The following EFTUD2 variants were observed in gnomAD, a reference collection of about 807,000 sequenced individuals.
The protein encoded by EFTUD2 is elongation factor Tu GTP binding domain containing 2, also known as 116 kDa U5 small nuclear ribonucleoprotein component.
EFTUD2 carries 9 observed loss-of-function variants against 114.3 expected under a neutral mutation model. That is an observed-to-expected ratio of 0.08 (90% CI 0.05 to 0.14). EFTUD2 has a LOEUF of 0.14. EFTUD2 is among the 10% of genes least tolerant of loss of function. The pLI, the probability that EFTUD2 is intolerant of heterozygous loss-of-function variation, is 1.00. For synonymous variants in EFTUD2, 449 were observed against 462.3 expected, an observed-to-expected ratio of 0.97 and a Z score of 0.37; for missense variants, 765 against 1,241.2, an observed-to-expected ratio of 0.62 and a Z score of 5.76.
chr17:44,864,823 A>C, intron 14 of EFTUD2, 107 bp downstream of exon 14: 2 of 1,498,070 alleles, frequency 1.3e-6, no homozygotes, highest in Non-Finnish European at 1.8e-6. Context: ...TTTGTTGAAA[A>C]GATCCTCAGA....
At chr17:44,896,978 A>G (rs1443290706) in intron 1 of EFTUD2, among the ~76,000 whole-genome samples, 2 of 152,138 alleles carry the variant, frequency 1.3e-5, no homozygotes, top group Non-Finnish European at 2.9e-5. Context: ...GCACTTTGGG[A>G]GGCTGAGGTG....
chr17:44,869,015 C>G (rs1180950696), intron 11 of EFTUD2, among the ~76,000 whole-genome samples: 1 of 152,198 alleles, frequency 6.6e-6, no homozygotes, highest in Non-Finnish European at 1.5e-5. Flanking sequence ...CCAACCACCT[C>G]CTGGATATTT....
At chr17:44,877,974 A>T (rs1441762414) in intron 9 of EFTUD2, among the ~76,000 whole-genome samples, 2 of 152,100 alleles carry the variant, frequency 1.3e-5, no homozygotes, top group African/African-American at 4.8e-5. Flanking sequence ...TGTCTCTACT[A>T]AAAATACAAA....
rs1597824288 is a variant in EFTUD2, at chr17:44,887,370, TG to T, written c.106-621del. On this transcript the variant is annotated intron_variant, in intron 2 of 27. Coordinates refer to ENST00000426333, the MANE Select transcript of EFTUD2 (RefSeq NM_004247.4). Reference sequence around the variant, plus strand: ...GGCCACACAAAAACTTAGAAATCAATGTTCATAGTGGCATTATTTATAATAG... The same window carrying T: ...GGCCACACAAAAACTTAGAAATCAATTTCATAGTGGCATTATTTATAATAG... 2.0e-5 allele frequency among the ~76,000 whole-genome samples: 3 copies of T among 152,310 alleles called. No homozygotes were observed. The East Asian group carries it at 5.8e-4, about 29-fold the overall frequency.
At position 44,887,603 on chromosome 17, in the gene EFTUD2, C is replaced by T. The variant is rs554319368; in HGVS notation, c.106-853G>A. ...TGAAAAAGCTGCATATTATATGATT[C>T]CATTTATATGAAAATATTCAGAATA... On this transcript the variant is annotated intron_variant, in intron 2 of 27. Transcript: ENST00000426333. 3.3e-5 allele frequency among the ~76,000 whole-genome samples: 5 copies of T among 152,212 alleles called. No individual in the cohort carries two copies. In the South Asian group the frequency reaches 6.2e-4, roughly 19 times the overall value.
In EFTUD2 at chr17:44,854,376, C is replaced by A. The variant is rs140987607; in HGVS notation, c.2260-20G>T. On this transcript the variant is annotated intron_variant, in intron 22 of 27. Transcript: ENST00000426333. This position sits in a 1 kb window ranked among gnomAD's most constrained non-coding sequence, Gnocchi z 4.3. Reference sequence around the variant, plus strand: ...GTCCACCTATAGAGAAACATGAGGCCTCCTTAGCAGTCGCCCTGGCAACGG... The same window carrying A: ...GTCCACCTATAGAGAAACATGAGGCATCCTTAGCAGTCGCCCTGGCAACGG... The A allele has an allele frequency of 2.9e-4, 468 of 1,610,536 alleles. No individual in the cohort carries two copies. In the African/African-American group the frequency reaches 5.9e-3, roughly 20 times the overall value.
rs565505048 is a variant in EFTUD2 at position 44,898,327 on chromosome 17, C to T, written c.-5+1042G>A. Among the ~76,000 whole-genome samples the T allele has an allele frequency of 1.2e-3, 190 of 152,284 alleles. 1 individual carries two copies. The Middle Eastern group carries it at 0.024, about 19-fold the overall frequency. On this transcript the variant is annotated intron_variant, in intron 1 of 27. Transcript: ENST00000426333. ...CCGCCTCCTGGTTTCAAGCGATTCT[C>T]CTGCCTCAGCCTCCCGAGTAGTTGG...
chr17:44,854,517 T>C lies in EFTUD2; in HGVS notation c.2259+39A>G, dbSNP rs367624762. Reference sequence around the variant, plus strand: ...TTTGTAGTTTCTTCCACTCCAGAGGTAAGAGACCGCCACCCAGTTCCCATC... The same window carrying C: ...TTTGTAGTTTCTTCCACTCCAGAGGCAAGAGACCGCCACCCAGTTCCCATC... On this transcript the variant is annotated intron_variant, in intron 22 of 27. Coordinates refer to ENST00000426333, the MANE Select transcript of EFTUD2 (RefSeq NM_004247.4). This position sits in a 1 kb window ranked among gnomAD's most constrained non-coding sequence, Gnocchi z 4.3. The C allele has an allele frequency of 1.3e-6, 2 of 1,599,470 alleles. No individual in the cohort carries two copies. The highest frequency in any genetic ancestry group is 2.7e-5 in the African/African-American group (2 of 74,284).
chr17:44,855,337 C>T lies in EFTUD2; in HGVS notation c.2046-333G>A, dbSNP rs564409729. ...CGGCATTTTGGGAGGCCGAGGTGGG[C>T]GGATCACAAGGTCAGAAGATCGAGC... On this transcript the variant is annotated intron_variant, in intron 20 of 27. Transcript: ENST00000426333. Among the ~76,000 whole-genome samples the T allele has an allele frequency of 2.3e-3, 347 of 152,160 alleles. 4 individuals are homozygous for T. In the South Asian group the frequency reaches 0.029, roughly 13 times the overall value.
chr17:44,881,042 A>T (rs1444295322), intron 7 of EFTUD2, among the ~76,000 whole-genome samples: 1 of 152,052 alleles, frequency 6.6e-6, no homozygotes, highest in East Asian at 1.9e-4. Context: ...AGAAATAAAC[A>T]TTTTTTTTAA....
At chr17:44,887,713 G>GT (rs1262101485) in intron 2 of EFTUD2, among the ~76,000 whole-genome samples, 5 of 152,184 alleles carry the variant, frequency 3.3e-5, no homozygotes, top group Admixed American at 1.3e-4. Flanking sequence ...GGGGTGTGGA[G>GT]TTTTTTTCTG....
In EFTUD2 at chr17:44,871,664, AT is replaced by A. The variant is rs886880787; in HGVS notation, c.994+781del. Among the ~76,000 whole-genome samples the A allele has an allele frequency of 3.8e-4, 57 of 150,564 alleles. 1 individual carries two copies. The highest frequency in any genetic ancestry group is 1.2e-3 in the African/African-American group (51 of 41,098). On this transcript the variant is annotated intron_variant, in intron 11 of 27. Coordinates refer to ENST00000426333, the MANE Select transcript of EFTUD2 (RefSeq NM_004247.4). Reference sequence around the variant, plus strand: ...AAAAAAGACTGAACTTTAATCCCTCATTTTTTTTTCACAAGAGCAAAGGGCT... The same window carrying A: ...AAAAAAGACTGAACTTTAATCCCTCATTTTTTTTCACAAGAGCAAAGGGCT...
intron 18 of EFTUD2, chr17:44,859,640 C>T (rs2050619405): frequency 3.6e-6 from 2 of 555,768 alleles, no homozygotes; most frequent in South Asian, 2.3e-5. Flanking sequence ...AACACAAATA[C>T]GCACACACAC....
intron 1 of EFTUD2, chr17:44,898,990 C>A (rs2051456270): frequency 6.6e-6 from 1 of 152,192 alleles, no homozygotes; most frequent in Admixed American, 6.5e-5. Flanking sequence ...TGCCGCTTCC[C>A]GCTACAATGC....
chr17:44,859,217 T>G, intron 18 of EFTUD2, 36 bp from the exon 19 acceptor site: 4 of 1,486,548 alleles, frequency 2.7e-6, no homozygotes, highest in Non-Finnish European at 3.8e-6. Flanking sequence ...CTGGATTCTC[T>G]TATGCCAGCA....
At chr17:44,881,077 A>T (rs913244205) in intron 7 of EFTUD2, among the ~76,000 whole-genome samples, 1 of 152,248 alleles carries the variant, frequency 6.6e-6, no homozygotes, top group Non-Finnish European at 1.5e-5. Flanking sequence ...ACATAAATAC[A>T]TTATAAAATA....
intron 18 of EFTUD2, 188 bp from the exon 19 acceptor site, chr17:44,859,369 G>T: frequency 1.6e-6 from 1 of 610,496 alleles, no homozygotes; most frequent in Non-Finnish European, 2.9e-6. Flanking sequence ...AAGACACCAG[G>T]ACCACTCAGC....
chr17:44,884,519 G>GAA (rs35195434), intron 4 of EFTUD2, among the ~76,000 whole-genome samples: 22 of 130,682 alleles, frequency 1.7e-4, no homozygotes, highest in South Asian at 2.4e-4. Flanking sequence ...ACCCCGCATC[G>GAA]AAAAAAAAAA....
intron 1 of EFTUD2, 22 bp from the exon 2 acceptor site, chr17:44,894,547 G>C (rs1443499060): frequency 1.3e-6 from 2 of 1,579,404 alleles, no homozygotes; most frequent in Non-Finnish European, 1.7e-6. Flanking sequence ...GGAGAGAAGA[G>C]TTAGATTCTG....
Sources: gnomAD v4.1 joint callset for allele counts (sites outside exome capture counted in the v4.1 genomes callset) on GRCh38, gnomAD v4.1.1 for gene constraint, Gnocchi (gnomAD v3.1) non-coding constraint, MANE v1.5 for transcripts, NCBI Gene and HGNC (gene_info 2026-07-23, HGNC 2026-07-21) for gene names.